CNTNAP2: variants seen among roughly 807,000 people sequenced by gnomAD.
CNTNAP2 encodes the protein contactin associated protein 2, also known as contactin-associated protein-like 2.
A neutral mutation model predicts 155.2 loss-of-function variants in CNTNAP2; 98 were observed. The ratio of observed to expected loss-of-function variants is 0.63; its 90% CI spans 0.54 to 0.75. CNTNAP2 has a LOEUF of 0.75. Among genes scored for constraint, CNTNAP2 ranks in the 30% least tolerant of loss-of-function variants. The pLI is 0.00. For synonymous variants in CNTNAP2, 651 were observed against 631.2 expected (o/e 1.03, Z -0.47); for missense variants, 1,727 against 1,688.1 (o/e 1.02, Z -0.40).
At chr7:147,904,236 T>C (rs1799922043) in intron 14 of CNTNAP2, among the ~76,000 whole-genome samples, 1 of 152,226 alleles carries the variant, frequency 6.6e-6, no homozygotes, top group Non-Finnish European at 1.5e-5. Flanking sequence ...CCTGTCTACT[T>C]TTCTTTCATA....
intron 3 of CNTNAP2, among the ~76,000 whole-genome samples, chr7:146,939,047 T>G (rs1321110516): frequency 6.6e-6 from 1 of 152,100 alleles, no homozygotes; most frequent in Non-Finnish European, 1.5e-5. Context: ...AATTTCATAA[T>G]GTATCTAGGA....
At chr7:147,836,393 C>T (rs925804430) in intron 13 of CNTNAP2, among the ~76,000 whole-genome samples, 2 of 152,006 alleles carry the variant, frequency 1.3e-5, no homozygotes, top group African/African-American at 2.4e-5. Context: ...GGTTCCAGAA[C>T]ATGCTAGGAC....
At chr7:146,907,839 A>G (rs1796172473) in intron 3 of CNTNAP2, among the ~76,000 whole-genome samples, 1 of 152,198 alleles carries the variant, frequency 6.6e-6, no homozygotes. Context: ...TGCTCTAATT[A>G]AAAGACACAG....
chr7:147,703,735 GT>G (rs1420147961), intron 13 of CNTNAP2, among the ~76,000 whole-genome samples: 1 of 152,138 alleles, frequency 6.6e-6, no homozygotes, highest in Non-Finnish European at 1.5e-5. Context: ...TCTTCTTGCT[GT>G]TTTGAAATAT....
At position 148,093,409 on chromosome 7, in the gene CNTNAP2, C is replaced by T. The variant is rs550384973; in HGVS notation, c.2384-24709C>T. On this transcript the variant is annotated intron_variant, in intron 15 of 23. Coordinates refer to ENST00000361727, the MANE Select transcript of CNTNAP2 (RefSeq NM_014141.6). ...ACTGTAGAAACCTTCTCTGATATGA[C>T]GACTATTGTCATTCCCTAGAATTAG... 7.2e-5 allele frequency among the ~76,000 whole-genome samples: 11 copies of T among 152,256 alleles called. No homozygotes were observed. The South Asian group carries it at 8.3e-4, about 11-fold the overall frequency.
rs114798354 is a variant in CNTNAP2, at chr7:147,571,856, T to C, written c.1897+9599T>C. Among the ~76,000 whole-genome samples the C allele has an allele frequency of 5.8e-3, 889 of 152,322 alleles. 7 individuals carry two copies. The highest frequency in any genetic ancestry group is 0.02 in the African/African-American group (837 of 41,570). On this transcript the variant is annotated intron_variant, in intron 12 of 23. Transcript: ENST00000361727. ...CTCATCAAAGCCATTTTCTCTCCTC[T>C]TTCTGTCTCCTAACCTAGTTTACCT...
intron 8 of CNTNAP2, among the ~76,000 whole-genome samples, chr7:147,146,957 C>T (rs1801716746): frequency 6.6e-6 from 1 of 152,086 alleles, no homozygotes; most frequent in South Asian, 2.1e-4. Context: ...TGTTTTCCCA[C>T]AATTGATGAT....
At chr7:147,544,690 GTA>G (rs2116751864) in intron 11 of CNTNAP2, among the ~76,000 whole-genome samples, 1 of 151,958 alleles carries the variant, frequency 6.6e-6, no homozygotes, top group South Asian at 2.1e-4. Flanking sequence ...ATCTTGAATT[GTA>G]ACTCCCATAA....
At chr7:146,798,084 G>A (rs942555405) in intron 2 of CNTNAP2, among the ~76,000 whole-genome samples, 6 of 151,976 alleles carry the variant, frequency 3.9e-5, no homozygotes, top group African/African-American at 1.4e-4. Flanking sequence ...GACCAGCTGG[G>A]ACAACATGGC....
At chr7:148,009,047 T>C (rs1484613555) in intron 15 of CNTNAP2, among the ~76,000 whole-genome samples, 1 of 152,222 alleles carries the variant, frequency 6.6e-6, no homozygotes, top group African/African-American at 2.4e-5. Context: ...TATTTCTGTA[T>C]AGATACTTCT....
intron 1 of CNTNAP2, among the ~76,000 whole-genome samples, chr7:146,187,682 C>T (rs1454407322): frequency 6.6e-6 from 1 of 151,998 alleles, no homozygotes; most frequent in Admixed American, 6.6e-5. Flanking sequence ...CTCTTTCTCC[C>T]TCTCCTATTC....
At chr7:147,724,118 A>G (rs1023377034) in intron 13 of CNTNAP2, among the ~76,000 whole-genome samples, 3 of 152,000 alleles carry the variant, frequency 2.0e-5, no homozygotes, top group Non-Finnish European at 4.4e-5. Flanking sequence ...AACATTTTCC[A>G]TACCACAGTC....
intron 10 of CNTNAP2, among the ~76,000 whole-genome samples, chr7:147,398,432 A>T (rs1007730040): frequency 2.0e-5 from 3 of 151,492 alleles, no homozygotes; most frequent in Non-Finnish European, 4.4e-5. Context: ...ATGAGAACAT[A>T]GGGTAAAAAA....
chr7:147,349,596 G>A (rs564528434), intron 9 of CNTNAP2, among the ~76,000 whole-genome samples: 3 of 151,750 alleles, frequency 2.0e-5, no homozygotes, highest in Non-Finnish European at 3.0e-5. Flanking sequence ...TCCTAGAAAT[G>A]TATGTTATTT....
chr7:147,097,256 C>T lies in CNTNAP2; in HGVS notation c.551-10891C>T, dbSNP rs145195909. On this transcript the variant is annotated intron_variant, in intron 4 of 23. Transcript: ENST00000361727. The stretch of plus-strand genomic sequence containing the variant: ...GTAGGGGTTGTTGATGGATGTATAG[C>T]GTTCAGAACATTAATGATTTTACAA... 2.3e-3 allele frequency among the ~76,000 whole-genome samples: 347 copies of T among 152,214 alleles called. 2 individuals carry two copies. Among genetic ancestry groups the T allele is most frequent in the African/African-American group, 7.6e-3 (316 of 41,544 alleles).
At chr7:147,110,125 A>T (rs932006870) in intron 5 of CNTNAP2, among the ~76,000 whole-genome samples, 1 of 151,998 alleles carries the variant, frequency 6.6e-6, no homozygotes, top group Non-Finnish European at 1.5e-5. Flanking sequence ...GGGTTTCACC[A>T]TGTTGGCCAG....
chr7:146,206,204 T>A (rs1198308705), intron 1 of CNTNAP2, among the ~76,000 whole-genome samples: 1 of 151,910 alleles, frequency 6.6e-6, no homozygotes, highest in Non-Finnish European at 1.5e-5. Context: ...TGTTGAACCA[T>A]TCCAGCAAAA....
intron 1 of CNTNAP2, among the ~76,000 whole-genome samples, chr7:146,538,908 G>A (rs1376121150): frequency 6.6e-6 from 1 of 152,056 alleles, no homozygotes; most frequent in East Asian, 1.9e-4. Flanking sequence ...AGTTGTACAA[G>A]TGACATGAAA....
chr7:147,071,964 C>A (rs1584818761), intron 4 of CNTNAP2, among the ~76,000 whole-genome samples: 1 of 152,174 alleles, frequency 6.6e-6, no homozygotes, highest in East Asian at 1.9e-4. Context: ...CCAGTCTCTG[C>A]CTTTGTGGGG....
Sources: allele counts gnomAD v4.1 joint callset (sites outside exome capture counted in the v4.1 genomes callset), GRCh38; gene constraint gnomAD v4.1.1; transcripts MANE v1.5; gene names NCBI Gene and HGNC (gene_info 2026-07-23, HGNC 2026-07-21).